Variants in PIWIL3 observed in about 807,000 individuals in gnomAD.
The protein encoded by PIWIL3 is piwi like RNA-mediated gene silencing 3.
In PIWIL3, 101 loss-of-function variants were observed where a neutral mutation model predicts 109.7. The observed-to-expected ratio is 0.92, with a 90% CI of 0.78 to 1.09. PIWIL3 has a LOEUF of 1.09. Ranked by LOEUF, PIWIL3 falls within the 50% of genes least tolerant of loss-of-function variation. The pLI is 0.00. For missense variants in PIWIL3, 1,031 were observed against 1,072.6 expected (o/e 0.96, Z 0.54); for synonymous variants, 373 against 376.4 (o/e 0.99, Z 0.10).
At chr22:24,738,044 G>A (rs916585002) in intron 12 of PIWIL3, among the ~76,000 whole-genome samples, 7 of 152,182 alleles carry the variant, frequency 4.6e-5, no homozygotes, top group African/African-American at 1.7e-4. Flanking sequence ...CCAGCTACTT[G>A]GGAGGCTGAG....
chr22:24,756,742 C>T (rs1346493546), intron 4 of PIWIL3, 37 bp from the exon 5 acceptor site: 11 of 1,536,436 alleles, frequency 7.2e-6, no homozygotes, highest in South Asian at 2.3e-5. Context: ...AAGAAACAGA[C>T]TGATTGGGCC....
intron 12 of PIWIL3, among the ~76,000 whole-genome samples, chr22:24,745,717 G>GAAAAAAAAAAAA (rs71189273): frequency 1.6e-4 from 13 of 80,234 alleles, no homozygotes; most frequent in East Asian, 3.5e-4. Flanking sequence ...GTCAGACTAA[G>GAAAAAAAAAAAA]AAAAAAAAAA....
rs1438971412 is a variant in PIWIL3, at chr22:24,725,157, T to G, written c.2081-120A>C. 4 of 1,218,748 alleles carry G rather than the reference T, an allele frequency of 3.3e-6. No homozygotes were observed. The East Asian group carries it at 1.0e-4, about 31-fold the overall frequency. 75.5% of individuals were successfully genotyped at this position (1,218,748 alleles called of 1,614,324 possible). A position where few individuals can be genotyped will look rare whatever the true frequency, so the allele number is the denominator to read the frequency against. On this transcript the variant is annotated intron_variant, in intron 17 of 20. Transcript: ENST00000616349. ...CAGCTTTCAGGGCAATTTTACTGCT[T>G]AAGTCCTGTCTATTCTGGGGTTCCT...
chr22:24,743,489 A>G (rs925285326), intron 12 of PIWIL3, among the ~76,000 whole-genome samples: 4 of 152,256 alleles, frequency 2.6e-5, no homozygotes, highest in African/African-American at 9.6e-5. Flanking sequence ...TATTCATACC[A>G]TGGAATACTA....
chr22:24,732,689 G>A (rs1569098949), intron 14 of PIWIL3, among the ~76,000 whole-genome samples: 1 of 152,122 alleles, frequency 6.6e-6, no homozygotes, highest in Non-Finnish European at 1.5e-5. Flanking sequence ...CGGGTGTGGC[G>A]GCAGGCGCCT....
At chr22:24,723,951 T>G (rs775666426) in intron 18 of PIWIL3, among the ~76,000 whole-genome samples, 5 of 152,158 alleles carry the variant, frequency 3.3e-5, no homozygotes, top group African/African-American at 1.2e-4. Context: ...GTGCTGAGAT[T>G]ACAGGCGTGA....
At chr22:24,735,659 T>A in intron 13 of PIWIL3, 49 bp downstream of exon 13, 1 of 1,495,156 alleles carries the variant, frequency 6.7e-7, no homozygotes, top group Non-Finnish European at 9.0e-7. Flanking sequence ...TATTATACTT[T>A]AAGATTGCTA....
At chr22:24,736,354 T>C (rs1178835984) in intron 12 of PIWIL3, among the ~76,000 whole-genome samples, 1 of 152,224 alleles carries the variant, frequency 6.6e-6, no homozygotes, top group African/African-American at 2.4e-5. Context: ...GAATCAGTCT[T>C]AGTGCAAATA....
chr22:24,745,103 C>A (rs752559005), intron 12 of PIWIL3, among the ~76,000 whole-genome samples: 4 of 152,138 alleles, frequency 2.6e-5, no homozygotes, highest in Non-Finnish European at 5.9e-5. Context: ...GGAAACTAAA[C>A]AATATGCTCC....
At chr22:24,759,179 C>G (rs1475804400) in intron 3 of PIWIL3, among the ~76,000 whole-genome samples, 1 of 152,126 alleles carries the variant, frequency 6.6e-6, no homozygotes, top group Non-Finnish European at 1.5e-5. Context: ...GCCACTGCAC[C>G]CAGTCCATGT....
intron 1 of PIWIL3, among the ~76,000 whole-genome samples, chr22:24,769,209 A>G (rs904810586): frequency 4.1e-4 from 62 of 152,332 alleles, no homozygotes; most frequent in African/African-American, 1.5e-3. Flanking sequence ...ACCTAATACC[A>G]TGTAAATACT....
At chr22:24,758,981 C>T (rs1473402675) in intron 3 of PIWIL3, among the ~76,000 whole-genome samples, 1 of 152,216 alleles carries the variant, frequency 6.6e-6, no homozygotes, top group African/African-American at 2.4e-5. Context: ...GGAACCTCTG[C>T]CTCCTGGGTT....
rs772389045 is a variant in PIWIL3 at position 24,719,736 on chromosome 22, A to G, written c.2505+12T>C. On this transcript the variant is annotated intron_variant, in intron 20 of 20. Coordinates refer to ENST00000616349, the MANE Select transcript of PIWIL3 (RefSeq NM_001255975.1). The stretch of plus-strand genomic sequence containing the variant: ...AAAAAATCTGAAGAAAAAAGTAACA[A>G]AAAGTACTTACTGGCAAATTATAAT... 3.7e-6 allele frequency: 6 copies of G among 1,606,776 alleles called. No homozygotes were observed. In the African/African-American group the frequency reaches 8.0e-5, roughly 21 times the overall value.
intron 3 of PIWIL3, 83 bp downstream of exon 3, chr22:24,759,786 C>T: frequency 6.3e-7 from 1 of 1,585,976 alleles, no homozygotes. Context: ...AGTCCTGAGG[C>T]TATCTAGAAC....
chr22:24,730,702 CTA>C (rs1491343346), intron 14 of PIWIL3, among the ~76,000 whole-genome samples: 2 of 151,848 alleles, frequency 1.3e-5, no homozygotes, highest in Non-Finnish European at 2.9e-5. Context: ...TTCCAAATAT[CTA>C]AAAAAAATGA....
At chr22:24,755,004 T>C in intron 6 of PIWIL3, 140 bp from the exon 7 acceptor site, 4 of 658,738 alleles carry the variant, frequency 6.1e-6, no homozygotes, top group South Asian at 3.7e-5. Flanking sequence ...CTAAGTTACA[T>C]GATGAGGTGG....
intron 12 of PIWIL3, among the ~76,000 whole-genome samples, chr22:24,739,922 G>A (rs1923886363): frequency 6.6e-6 from 1 of 151,760 alleles, no homozygotes. Context: ...ATGGTGACAG[G>A]CACCTGTAGT....
At chr22:24,730,498 G>GCA (rs373767082) in intron 14 of PIWIL3, among the ~76,000 whole-genome samples, 4 of 151,472 alleles carry the variant, frequency 2.6e-5, no homozygotes, top group East Asian at 3.9e-4. Flanking sequence ...AGCATATCAT[G>GCA]CACACACACA....
At chr22:24,726,527 T>TGCC (rs1466462296) in intron 16 of PIWIL3, among the ~76,000 whole-genome samples, 7 of 152,280 alleles carry the variant, frequency 4.6e-5, no homozygotes, top group African/African-American at 1.7e-4. Flanking sequence ...CCTTGTGATC[T>TGCC]GCCCGCCTCA....
Sources: gnomAD v4.1 joint callset for allele counts (sites outside exome capture counted in the v4.1 genomes callset) on GRCh38, gnomAD v4.1.1 for gene constraint, MANE v1.5 for transcripts, NCBI Gene and HGNC (gene_info 2026-07-23, HGNC 2026-07-21) for gene names.